Variants in FGF13 observed in about 807,000 individuals in gnomAD.
FGF13 encodes fibroblast growth factor homologous factor 2.
A neutral mutation model predicts 19.5 loss-of-function variants in FGF13; 2 were observed. That is an observed-to-expected ratio of 0.10 (90% CI 0.04 to 0.32). The LOEUF is 0.32. FGF13 is among the 10% of genes least tolerant of loss of function. FGF13 has a pLI of 1.00. For synonymous variants in FGF13, 72 were observed against 76.9 expected (o/e 0.94, Z 0.33); for missense variants, 113 against 192.7 (o/e 0.59, Z 2.45).
intron 1 of FGF13, among the ~76,000 whole-genome samples, chrX:138,983,149 C>A (rs1339697633): frequency 9.1e-6 from 1 of 110,114 alleles, no homozygotes; most frequent in Non-Finnish European, 1.9e-5. Flanking sequence ...GCTTTTGTAG[C>A]CTGTACTTTT....
intron 1 of FGF13, among the ~76,000 whole-genome samples, chrX:138,972,767 G>C (rs1468462802): frequency 9.0e-6 from 1 of 111,367 alleles, no homozygotes; most frequent in African/African-American, 3.3e-5. Flanking sequence ...TAGCGATATC[G>C]AGCATTTTTT....
chrX:138,714,277 C>T (rs2090081001), upstream of FGF13: 1 of 111,928 alleles, frequency 8.9e-6, no homozygotes, highest in Non-Finnish European at 1.9e-5. Context: ...TAAATTCAAT[C>T]TGGGGCAGAA....
At chrX:139,081,256 T>G (rs2083368618) in intron 1 of FGF13, among the ~76,000 whole-genome samples, 2 of 111,482 alleles carry the variant, frequency 1.8e-5, no homozygotes, top group African/African-American at 6.5e-5. Context: ...CTCTGCAGCA[T>G]TCATAGAGTT....
At chrX:139,032,350 T>C (rs2092230166) in intron 1 of FGF13, among the ~76,000 whole-genome samples, 1 of 111,805 alleles carries the variant, frequency 8.9e-6, no homozygotes, top group Non-Finnish European at 1.9e-5. Context: ...TTCCTTTTTA[T>C]AAAACCTTTG....
chrX:139,156,169 TCTC>T (rs1262452816), intron 1 of FGF13, among the ~76,000 whole-genome samples: 7 of 112,424 alleles, frequency 6.2e-5, no homozygotes, highest in Non-Finnish European at 9.4e-5. Context: ...AGCAGAGTCT[TCTC>T]CTGTGAGAGA....
intron 3 of FGF13, among the ~76,000 whole-genome samples, chrX:138,786,118 G>A (rs867723373): frequency 9.0e-6 from 1 of 111,728 alleles, no homozygotes; most frequent in African/African-American, 3.3e-5. Context: ...TCTTAGCTTC[G>A]TTAACTTTGT....
At chrX:139,080,995 A>C (rs1361767479) in intron 1 of FGF13, among the ~76,000 whole-genome samples, 2 of 110,961 alleles carry the variant, frequency 1.8e-5, no homozygotes. Context: ...CTATTCCTTG[A>C]CTACGCATTC....
In FGF13 at chrX:138,711,307, A is replaced by G. The variant is rs1441640090; in HGVS notation, c.-304T>C. The G allele has an allele frequency of 3.4e-6, 3 of 894,596 alleles. No individual in the cohort carries two copies. The allele number at this position is 894,596 out of a possible 1,213,427, so 73.7% of individuals were successfully genotyped here. On this transcript the variant is annotated 5_prime_UTR_variant, in exon 1 of 5. Transcript: ENST00000315930. Reference sequence around the variant, plus strand: ...TGGCACGCGGATGCTGAACTGCGCGACTGCGTGTGGTCGGCCCCTGCGCCC... The same window carrying G: ...TGGCACGCGGATGCTGAACTGCGCGGCTGCGTGTGGTCGGCCCCTGCGCCC...
At chrX:139,178,864 G>C (rs2084215150) in intron 1 of FGF13, among the ~76,000 whole-genome samples, 1 of 111,468 alleles carries the variant, frequency 9.0e-6, no homozygotes, top group Admixed American at 9.5e-5. Context: ...TTTATCTTTT[G>C]ATTGCAGAAA....
intron 3 of FGF13, among the ~76,000 whole-genome samples, chrX:138,833,457 C>T (rs1186280097): frequency 3.6e-5 from 4 of 111,639 alleles, no homozygotes; most frequent in East Asian, 2.8e-4. Context: ...ATTTGGCTTT[C>T]GGCTTGACTG....
At chrX:138,789,127 A>G (rs1227208395) in intron 3 of FGF13, among the ~76,000 whole-genome samples, 8 of 111,133 alleles carry the variant, frequency 7.2e-5, no homozygotes, top group Non-Finnish European at 1.1e-4. Context: ...CTTTATTCAT[A>G]TTTCTACCTG....
At chrX:139,071,753 C>A (rs1185312471) in intron 1 of FGF13, among the ~76,000 whole-genome samples, 2 of 110,338 alleles carry the variant, frequency 1.8e-5, no homozygotes, top group African/African-American at 6.6e-5. Flanking sequence ...TGCGGTGGCT[C>A]ACCCCTGTAA....
At chrX:139,106,000 T>C (rs977581501) in intron 1 of FGF13, among the ~76,000 whole-genome samples, 8 of 112,363 alleles carry the variant, frequency 7.1e-5, no homozygotes, top group Non-Finnish European at 1.9e-5. Context: ...ATACAGATTG[T>C]GGAGAGGCAT....
At chrX:138,667,339 C>A (rs781410326) in intron 3 of FGF13, among the ~76,000 whole-genome samples, 135 of 108,959 alleles carry the variant, frequency 1.2e-3, no homozygotes, top group Non-Finnish European at 2.2e-3. Context: ...CAGCTAGCCA[C>A]TACAAGGATC....
chrX:138,922,301 A>T (rs971175497), intron 1 of FGF13, among the ~76,000 whole-genome samples: 4 of 111,847 alleles, frequency 3.6e-5, no homozygotes, highest in Non-Finnish European at 7.5e-5. Flanking sequence ...AAATTTTCCT[A>T]TTCTATAGCA....
At chrX:138,715,021 C>T (rs923474251), upstream of FGF13, among the ~76,000 whole-genome samples, 4 of 111,619 alleles carry the variant, frequency 3.6e-5, no homozygotes. Flanking sequence ...TCCTGGATCT[C>T]CTCCATATTT....
chrX:139,195,620 T>C (rs2084365130), intron 1 of FGF13, among the ~76,000 whole-genome samples: 1 of 112,091 alleles, frequency 8.9e-6, no homozygotes, highest in Admixed American at 9.4e-5. Context: ...TCATGTTTGT[T>C]ATTAAATTTA....
intron 3 of FGF13, among the ~76,000 whole-genome samples, chrX:138,846,606 A>G (rs1361839773): frequency 8.9e-6 from 1 of 111,765 alleles, no homozygotes; most frequent in Non-Finnish European, 1.9e-5. Flanking sequence ...CCCAGAAGCT[A>G]AGCAGATGCC....
At chrX:138,647,219 G>GAAAA (rs10543925) in intron 3 of FGF13, among the ~76,000 whole-genome samples, 2 of 59,116 alleles carry the variant, frequency 3.4e-5, no homozygotes, top group African/African-American at 5.8e-5. Flanking sequence ...CATCTCTGGG[G>GAAAA]AAAAAAAAAA....
Sources: allele counts gnomAD v4.1 joint callset (sites outside exome capture counted in the v4.1 genomes callset), GRCh38; gene constraint gnomAD v4.1.1; transcripts MANE v1.5; gene names NCBI Gene and HGNC (gene_info 2026-07-23, HGNC 2026-07-21).